Variants in LPP observed in about 807,000 individuals in gnomAD.
LPP encodes the protein lipoma-preferred partner.
A neutral mutation model predicts 60.4 loss-of-function variants in LPP; 38 were observed. The observed-to-expected ratio is 0.63, with a 90% confidence interval of 0.49 to 0.83. The LOEUF (loss-of-function observed/expected upper bound fraction) is 0.83. LPP is among the 40% of genes least tolerant of loss of function. The probability of loss-of-function intolerance (pLI) is 0.00; values close to 1 mark genes in which losing one functional copy is unlikely to be tolerated. For missense variants in LPP, 902 were observed against 783.6 expected, an observed-to-expected ratio of 1.15 and a Z score of -1.80; for synonymous variants, 328 against 290.8, an observed-to-expected ratio of 1.13 and a Z score of -1.30.
rs142223141 is a variant in LPP at position 188,294,456 on chromosome 3, G to A, written c.-66-47207G>A. Among the ~76,000 whole-genome samples, 827 of 152,224 alleles carry A rather than the reference G, an allele frequency of 5.4e-3. 11 individuals are homozygous for A. The highest frequency in any genetic ancestry group is 4.3e-3 in the Non-Finnish European group (290 of 68,020). ...CCAAGTTTTAAACTCATATTGATTTGTTTTTGGTAAATAAGTCATGCATGC... is the reference window on the plus strand; with the variant it reads ...CCAAGTTTTAAACTCATATTGATTTATTTTTGGTAAATAAGTCATGCATGC... On this transcript the variant is annotated intron_variant, in intron 2 of 11. Transcript: ENST00000617246.
intron 3 of LPP, among the ~76,000 whole-genome samples, chr3:188,379,738 C>T (rs1455251742): frequency 6.6e-6 from 1 of 152,096 alleles, no homozygotes; most frequent in Non-Finnish European, 1.5e-5. Context: ...GTTAGGTTTT[C>T]AAGATTCATC....
intron 4 of LPP, among the ~76,000 whole-genome samples, chr3:188,461,813 A>G (rs1314673127): frequency 6.6e-6 from 1 of 152,098 alleles, no homozygotes; most frequent in Non-Finnish European, 1.5e-5. Context: ...CTATTCTAAC[A>G]TTGGAAAATT....
At chr3:188,316,746 A>G (rs911949092) in intron 2 of LPP, among the ~76,000 whole-genome samples, 3 of 152,240 alleles carry the variant, frequency 2.0e-5, no homozygotes, top group Non-Finnish European at 4.4e-5. Context: ...CAATTTTCAG[A>G]TGAGAATCAA....
rs1047173970 is a variant in LPP, at chr3:188,878,674, C to G, written c.*4195C>G. 6.5e-5 allele frequency: 13 copies of G among 198,884 alleles called. No homozygotes were observed. The highest frequency in any genetic ancestry group is 1.2e-4 in the Admixed American group (2 of 16,394). The allele number at this position is 198,884 out of a possible 1,614,324, so 12.3% of individuals were successfully genotyped here. ...CTTATTTTCAAAGAATCTATTTACA[C>G]TACTATGAATATTCCACTGAAGAGT... is the stretch of plus-strand genomic sequence containing the variant. On this transcript the variant is annotated 3_prime_UTR_variant, in exon 12 of 12. Coordinates refer to ENST00000617246, the MANE Select transcript of LPP (RefSeq NM_001375462.1).
intron 5 of LPP, among the ~76,000 whole-genome samples, chr3:188,519,670 G>A (rs1010202404): frequency 6.6e-6 from 1 of 152,094 alleles, no homozygotes; most frequent in South Asian, 2.1e-4. Context: ...GGATGTCGGG[G>A]GGTGGTTTTG....
intron 7 of LPP, among the ~76,000 whole-genome samples, chr3:188,659,722 A>G (rs1854132078): frequency 6.6e-6 from 1 of 152,006 alleles, no homozygotes. Context: ...GCCTTCTCTC[A>G]TGGAACCCAT....
intron 8 of LPP, 65 bp from the exon 9 acceptor site, chr3:188,760,048 C>T: frequency 1.4e-6 from 2 of 1,449,550 alleles, no homozygotes; most frequent in South Asian, 1.2e-5. Context: ...CTTTCTCCTC[C>T]ACTTTGGCTT....
intron 2 of LPP, among the ~76,000 whole-genome samples, chr3:188,338,453 C>T (rs189992333): frequency 2.6e-4 from 40 of 152,308 alleles, no homozygotes; most frequent in African/African-American, 8.9e-4. Context: ...TTTACTACTA[C>T]CTCTGTTGCC....
chr3:188,459,284 C>T (rs577451152), intron 4 of LPP, among the ~76,000 whole-genome samples: 1 of 151,884 alleles, frequency 6.6e-6, no homozygotes, highest in East Asian at 1.9e-4. Context: ...GAAAATGGCA[C>T]CTAGGGTAAC....
chr3:188,718,788 A>C (rs1715141660), intron 8 of LPP, among the ~76,000 whole-genome samples: 1 of 152,228 alleles, frequency 6.6e-6, no homozygotes, highest in African/African-American at 2.4e-5. Context: ...AGTAAACTAT[A>C]GGGAGGAAAT....
chr3:188,568,309 A>C (rs1266191067), intron 6 of LPP: 1 of 152,062 alleles, frequency 6.6e-6, no homozygotes, highest in African/African-American at 2.4e-5. Context: ...AACTACAATG[A>C]GAAAGATAGA....
intron 5 of LPP, among the ~76,000 whole-genome samples, chr3:188,501,989 T>G (rs979836031): frequency 6.6e-6 from 1 of 152,180 alleles, no homozygotes; most frequent in Non-Finnish European, 1.5e-5. Context: ...TATGTCTATT[T>G]ATTTCTATTT....
intron 8 of LPP, among the ~76,000 whole-genome samples, chr3:188,734,160 A>G (rs1560131103): frequency 6.6e-6 from 1 of 152,186 alleles, no homozygotes; most frequent in Non-Finnish European, 1.5e-5. Flanking sequence ...AATAAAAAGC[A>G]TTTAAATTGA....
chr3:188,159,326 C>A (rs1560069323), intron 1 of LPP, among the ~76,000 whole-genome samples: 2 of 152,310 alleles, frequency 1.3e-5, no homozygotes, highest in East Asian at 3.9e-4. Flanking sequence ...GATGGGTCAT[C>A]TACATTTTGG....
chr3:188,689,659 C>CA (rs1164640272), intron 7 of LPP, among the ~76,000 whole-genome samples: 1 of 152,188 alleles, frequency 6.6e-6, no homozygotes. Flanking sequence ...TTCATTATCT[C>CA]ACTTCACAGT....
intron 7 of LPP, chr3:188,689,012 G>A (rs1861510230): frequency 4.7e-6 from 2 of 425,858 alleles, no homozygotes; most frequent in Non-Finnish European, 9.1e-6. Context: ...GATTAAACGA[G>A]AAAAGAATGA....
intron 6 of LPP, among the ~76,000 whole-genome samples, chr3:188,560,775 A>G (rs1252354670): frequency 6.6e-6 from 1 of 152,118 alleles, no homozygotes; most frequent in Non-Finnish European, 1.5e-5. Flanking sequence ...TAGAACCTCT[A>G]CAAAGGCTGT....
chr3:188,853,480 A>G (rs1037902657), intron 9 of LPP, among the ~76,000 whole-genome samples: 2 of 152,214 alleles, frequency 1.3e-5, no homozygotes, highest in Non-Finnish European at 2.9e-5. Context: ...CGTTCAAGGC[A>G]GGGGCAACAG....
At chr3:188,424,877 A>G (rs988104298) in intron 4 of LPP, among the ~76,000 whole-genome samples, 5 of 152,208 alleles carry the variant, frequency 3.3e-5, no homozygotes, top group African/African-American at 9.6e-5. Context: ...ATATGCAATC[A>G]TGTCATCTGC....
Sources: gnomAD v4.1 joint callset for allele counts (sites outside exome capture counted in the v4.1 genomes callset) on GRCh38, gnomAD v4.1.1 for gene constraint, MANE v1.5 for transcripts, NCBI Gene and HGNC (gene_info 2026-07-23, HGNC 2026-07-21) for gene names.